Variants in PHLDA1 observed in about 807,000 individuals in gnomAD.
PHLDA1 encodes pleckstrin homology like domain family A member 1, also known as pleckstrin homology-like domain family A member 1.
Under a neutral mutation model 33.8 loss-of-function variants are expected in PHLDA1, and 28 were observed. That is an observed-to-expected ratio of 0.83 (90% CI 0.61 to 1.14). The LOEUF is 1.14. Ranked by LOEUF, PHLDA1 falls within the 50% of genes most tolerant of loss-of-function variation. PHLDA1 has a pLI of 0.00. For synonymous variants in PHLDA1, 271 were observed against 243.6 expected (o/e 1.11, Z -1.05); for missense variants, 595 against 548.6 (o/e 1.08, Z -0.84).
At chr12:76,026,706 A>G (rs1870781645) in exon 2 of PHLDA1, 1 of 152,234 alleles carries the variant, frequency 6.6e-6, no homozygotes, top group Non-Finnish European at 1.5e-5. Context: ...CTCAATGAGG[A>G]AAATGTTCAT....
rs755552282 is a variant in PHLDA1, at chr12:76,031,334, G to A, written c.408C>T (p.Pro136=). ...TCTCCAGCATCCTCCCAGCATAAGA[G>A]GGGCCGCCGCTTGGCTCGGCCTCTC... The change falls in exon 1 of 2, where the codon CCC becomes CCT. Residue 136 remains proline, a synonymous_variant. Transcript: ENST00000266671. The surrounding 1 kb of genome is among the most constrained non-coding windows in gnomAD (Gnocchi z 5.4). 1 of 1,612,716 alleles carries A rather than the reference G, an allele frequency of 6.2e-7. No homozygotes were observed. The highest frequency in any genetic ancestry group is 1.7e-5 in the Admixed American group (1 of 59,998).
Position 76,031,116 on chromosome 12 carries a change from G to T in PHLDA1, c.626C>A (p.Pro209Gln). ...GCCACTGGGTTGGGACGGCTCGGCCGGCCCCTGCCCGGGCTGTTGTTGCTG... is the reference window on the plus strand; with the variant it reads ...GCCACTGGGTTGGGACGGCTCGGCCTGCCCCTGCCCGGGCTGTTGTTGCTG... The change falls in exon 1 of 2, where the codon CCG becomes CAG. Residue 209 changes from proline to glutamine, a missense_variant. Physicochemically the swap from Pro to Gln is moderately conservative, Grantham distance 76. Around this residue, in one of 3 missense-constraint regions of PHLDA1, gnomAD observed 328 missense variants for 295.7 expected, o/e 1.11. Coordinates refer to ENST00000266671, the Ensembl canonical transcript of PHLDA1. The surrounding 1 kb of genome is among the most constrained non-coding windows in gnomAD (Gnocchi z 5.4). 6.2e-7 allele frequency: 1 copy of T among 1,608,850 alleles called. No individual in the cohort carries two copies. Among genetic ancestry groups the T allele is most frequent in the Non-Finnish European group, 8.5e-7 (1 of 1,179,640 alleles).
chr12:76,031,754 T>C lies in PHLDA1; in HGVS notation c.-13A>G. 1 of 1,353,906 alleles carries C rather than the reference T, an allele frequency of 7.4e-7. No homozygotes were observed. The highest frequency in any genetic ancestry group is 9.5e-7 in the Non-Finnish European group (1 of 1,049,396). 83.9% of individuals were successfully genotyped at this position (1,353,906 alleles called of 1,614,324 possible). A position where few individuals can be genotyped will look rare whatever the true frequency, so the allele number is the denominator to read the frequency against. On this transcript the variant is annotated 5_prime_UTR_variant, in exon 1 of 2. Transcript: ENST00000266671. The surrounding 1 kb of genome is among the most constrained non-coding windows in gnomAD (Gnocchi z 5.4). ...GCGCACGCCTCATTAACTTGGGGCC[T>C]TTCCAAAGCCCGCTGCGTCCACGCC...
intron 1 of PHLDA1, 96 bp downstream of exon 1, chr12:76,030,414 C>T: frequency 1.1e-6 from 1 of 925,026 alleles, no homozygotes; most frequent in Non-Finnish European, 1.7e-6. Flanking sequence ...TTTGATTTCT[C>T]CATACAGGAG....
chr12:76,030,244 C>A (rs1480584833), intron 1 of PHLDA1, among the ~76,000 whole-genome samples, 152 bp from the exon 2 acceptor site: 1 of 152,046 alleles, frequency 6.6e-6, no homozygotes, highest in Non-Finnish European at 1.5e-5. Context: ...GGCTGGGGGA[C>A]GCACCACGGG....
chr12:76,028,170 A>AT (rs1324939638), exon 2 of PHLDA1: 1 of 152,176 alleles, frequency 6.6e-6, no homozygotes, highest in African/African-American at 2.4e-5. Context: ...CTCTCATTTC[A>AT]TATACATATA....
exon 2 of PHLDA1, chr12:76,028,179 TATACATAC>T (rs1870816974): frequency 6.6e-6 from 1 of 152,120 alleles, no homozygotes; most frequent in South Asian, 2.1e-4. Context: ...CATATACATA[TATACATAC>T]ATACACATAT....
In PHLDA1 at chr12:76,031,374, CG is replaced by C; in HGVS notation, c.367del (p.Arg123AlafsTer29). ...CTCGGCCTCTCCGTTTCCAGCCGCG[CG>C]GGCCGGGGGCAGCAGCAGCAGCCTC... On this transcript the variant is annotated frameshift_variant, in exon 1 of 2. Coordinates refer to ENST00000266671, the Ensembl canonical transcript of PHLDA1. LOFTEE classifies it high-confidence loss of function. This position sits in a 1 kb window ranked among gnomAD's most constrained non-coding sequence, Gnocchi z 5.4. 6.2e-7 allele frequency: 1 copy of C among 1,607,982 alleles called. No individual in the cohort carries two copies. Among genetic ancestry groups the C allele is most frequent in the Non-Finnish European group, 8.5e-7 (1 of 1,177,962 alleles).
chr12:76,029,996 C>A (rs1870855312), exon 2 of PHLDA1: 1 of 155,432 alleles, frequency 6.4e-6, no homozygotes, highest in African/African-American at 2.4e-5. Flanking sequence ...GATGTCCAAA[C>A]TACTTGATCT....
chr12:76,031,382 G>GGGC lies in PHLDA1; in HGVS notation c.357_359dup (p.Pro121dup). On this transcript the variant is annotated inframe_insertion, in exon 1 of 2. Transcript: ENST00000266671. This position sits in a 1 kb window ranked among gnomAD's most constrained non-coding sequence, Gnocchi z 5.4. ...CTCCGTTTCCAGCCGCGCGGGCCGGGGGCAGCAGCAGCAGCCTCGCGCCGT... is the reference window on the plus strand; with the variant it reads ...CTCCGTTTCCAGCCGCGCGGGCCGGGGGCGGCAGCAGCAGCAGCCTCGCGCCGT... 6.2e-7 allele frequency: 1 copy of GGGC among 1,605,520 alleles called. No individual in the cohort carries two copies.
exon 2 of PHLDA1, chr12:76,027,271 A>G (rs1870793740): frequency 1.3e-5 from 2 of 152,100 alleles, no homozygotes; most frequent in Non-Finnish European, 2.9e-5. Flanking sequence ...GTTTAGTCTT[A>G]TTGAGCGTGT....
At chr12:76,028,415 C>A (rs991665298) in exon 2 of PHLDA1, 3 of 152,166 alleles carry the variant, frequency 2.0e-5, no homozygotes, top group Non-Finnish European at 4.4e-5. Flanking sequence ...TTCCCTGCAA[C>A]TTTTTGGATA....
exon 1 of PHLDA1, chr12:76,030,980 C>T (rs370904101): frequency 2.5e-6 from 4 of 1,613,962 alleles, no homozygotes; most frequent in Non-Finnish European, 3.4e-6. Flanking sequence ...CTGCCATCAC[C>T]ACAGTGAAGT....
At chr12:76,029,093 G>A (rs534069117) in exon 2 of PHLDA1, 2 of 152,304 alleles carry the variant, frequency 1.3e-5, no homozygotes, top group South Asian at 4.1e-4. Flanking sequence ...AGATTTTTCA[G>A]TGTGCTTCTA....
chr12:76,031,516 G>A lies in PHLDA1; in HGVS notation c.226C>T (p.Arg76Trp). 2 of 1,520,476 alleles carry A rather than the reference G, an allele frequency of 1.3e-6. No individual in the cohort carries two copies. The highest frequency in any genetic ancestry group is 1.4e-5 in the African/African-American group (1 of 70,000). 94.2% of individuals were successfully genotyped at this position (1,520,476 alleles called of 1,614,324 possible). Residue 76 changes from arginine (R) to tryptophan (W), a missense_variant, in exon 1 of 2, where the codon CGG (arginine) becomes TGG (tryptophan). Arg to Trp is a moderately radical substitution (Grantham distance 101). Transcript: ENST00000266671. The surrounding 1 kb of genome is among the most constrained non-coding windows in gnomAD (Gnocchi z 5.4). ...TCTGGGTCCCGGCAGAGGGACAGCCGCGTCCTGATGCGCCACAAGGTCCCG... is the reference window on the plus strand; with the variant it reads ...TCTGGGTCCCGGCAGAGGGACAGCCACGTCCTGATGCGCCACAAGGTCCCG...
In PHLDA1 at chr12:76,031,392, A is replaced by AGCAGCC; in HGVS notation, c.344_349dup (p.Arg115_Leu116dup). Reference sequence around the variant, plus strand: ...AGCCGCGCGGGCCGGGGGCAGCAGCAGCAGCCTCGCGCCGTCCTCGCCCCA... The same window carrying AGCAGCC: ...AGCCGCGCGGGCCGGGGGCAGCAGCAGCAGCCGCAGCCTCGCGCCGTCCTCGCCCCA... On this transcript the variant is annotated inframe_insertion, in exon 1 of 2. Coordinates refer to ENST00000266671, the Ensembl canonical transcript of PHLDA1. This position sits in a 1 kb window ranked among gnomAD's most constrained non-coding sequence, Gnocchi z 5.4. 6.3e-7 allele frequency: 1 copy of AGCAGCC among 1,598,384 alleles called. No homozygotes were observed. The highest frequency in any genetic ancestry group is 1.3e-5 in the African/African-American group (1 of 74,738).
intron 1 of PHLDA1, 65 bp downstream of exon 1, chr12:76,030,445 C>T (rs1383857048): frequency 3.9e-6 from 5 of 1,284,202 alleles, no homozygotes; most frequent in Admixed American, 1.9e-5. Flanking sequence ...GAACAAGCTT[C>T]CTACTCCTCC....
exon 2 of PHLDA1, chr12:76,028,162 C>G (rs1870816401): frequency 6.6e-6 from 1 of 152,038 alleles, no homozygotes. Context: ...AGATGTGGCT[C>G]TCATTTCATA....
At chr12:76,030,599 G>C in exon 1 of PHLDA1, 1 of 1,609,456 alleles carries the variant, frequency 6.2e-7, no homozygotes, top group Non-Finnish European at 8.5e-7. Context: ...GCGGCTGTGG[G>C]TGTGGGTGCG....
Sources: gnomAD v4.1 joint callset for allele counts (sites outside exome capture counted in the v4.1 genomes callset) on GRCh38, gnomAD v4.1.1 for gene constraint, gnomAD v4.1.1 regional missense constraint, Gnocchi (gnomAD v3.1) non-coding constraint, MANE v1.5 for transcripts, NCBI Gene and HGNC (gene_info 2026-07-23, HGNC 2026-07-21) for gene names.